The following CIROZ variants were observed in gnomAD, a reference collection of about 807,000 sequenced individuals.
The protein encoded by CIROZ is ciliated left-right organizer protein containing ZP-N domains, also known as ciliated left-right organizer ZP-N domains-containing protein.
At chr1:10,960,693 G>A in the CIROZ span, among the ~76,000 whole-genome samples, 1 of 152,236 alleles carries the variant, frequency 6.6e-6, no homozygotes, top group Non-Finnish European at 1.5e-5. The surrounding 1 kb of genome is among the most constrained non-coding windows in gnomAD (Gnocchi z 4.6). Context: ...GCACGGCTCG[G>A]GTACACCCTT....
chr1:10,948,714 C>T, the CIROZ span: 1 of 1,568,554 alleles, frequency 6.4e-7, no homozygotes, highest in Non-Finnish European at 8.7e-7. Flanking sequence ...TGTGGGGTGT[C>T]CAGGGATCCC....
the CIROZ span, among the ~76,000 whole-genome samples, chr1:10,981,856 G>A: frequency 1.3e-5 from 2 of 152,114 alleles, no homozygotes; most frequent in Admixed American, 1.3e-4. Flanking sequence ...CCCTTCCCAA[G>A]GCATCCATGC....
the CIROZ span, among the ~76,000 whole-genome samples, chr1:10,980,706 G>A: frequency 5.3e-5 from 8 of 152,312 alleles, no homozygotes; most frequent in South Asian, 4.1e-4. Flanking sequence ...TCTCCCCTCC[G>A]TCTGATGCCT....
chr1:10,977,390 A>G, the CIROZ span, among the ~76,000 whole-genome samples: 52,918 of 147,442 alleles, frequency 0.36, 11,643 homozygotes, highest in African/African-American at 0.69. Context: ...GGCTGAGACA[A>G]GAGAATTGCT....
At chr1:10,969,997 A>T in the CIROZ span, 1 of 1,536,622 alleles carries the variant, frequency 6.5e-7, no homozygotes, top group South Asian at 1.2e-5. Context: ...CTGGCCAGCC[A>T]CCGCCTCAGC....
At chr1:10,956,699 G>A in the CIROZ span, among the ~76,000 whole-genome samples, 23 of 151,858 alleles carry the variant, frequency 1.5e-4, no homozygotes, top group East Asian at 2.3e-3. Context: ...GGATGGTCTT[G>A]ATCTCCTGAC....
the CIROZ span, chr1:10,947,764 G>C: frequency 1.9e-6 from 3 of 1,597,110 alleles, no homozygotes; most frequent in Non-Finnish European, 2.6e-6. Flanking sequence ...GTCAGCTCCT[G>C]CTGGAGTGAG....
chr1:10,954,468 GA>G, the CIROZ span, among the ~76,000 whole-genome samples: 16 of 115,148 alleles, frequency 1.4e-4, no homozygotes, highest in African/African-American at 3.4e-4. Context: ...AAAAAAAAAA[GA>G]AAAGAAAAGA....
chr1:10,954,609 C>T, the CIROZ span, among the ~76,000 whole-genome samples: 2 of 152,156 alleles, frequency 1.3e-5, no homozygotes, highest in South Asian at 2.1e-4. Context: ...TTTCAGCCAG[C>T]GCCACAGCTC....
At chr1:10,966,319 C>T in the CIROZ span, 1 of 1,491,736 alleles carries the variant, frequency 6.7e-7, no homozygotes, top group Non-Finnish European at 8.8e-7. Flanking sequence ...CCTTAAATCT[C>T]CCTTTAAAAA....
At chr1:10,948,431 G>A in the CIROZ span, 7 of 1,613,248 alleles carry the variant, frequency 4.3e-6, no homozygotes, top group South Asian at 2.2e-5. Flanking sequence ...CCACATCCCC[G>A]CTTGACAAGC....
chr1:10,946,711 G>A, the CIROZ span: 1 of 152,264 alleles, frequency 6.6e-6, no homozygotes, highest in Non-Finnish European at 1.5e-5. Flanking sequence ...GAGGGTCACT[G>A]GGGCTGTCCA....
At chr1:10,973,538 G>GA in the CIROZ span, among the ~76,000 whole-genome samples, 1 of 152,146 alleles carries the variant, frequency 6.6e-6, no homozygotes, top group East Asian at 1.9e-4. Context: ...TCGCTGCTGA[G>GA]AGAAGCTGGC....
chr1:10,964,294 G>A, the CIROZ span: 1 of 1,590,454 alleles, frequency 6.3e-7, no homozygotes, highest in Non-Finnish European at 8.6e-7. Flanking sequence ...CAAAATTCAT[G>A]TATGCAAATG....
the CIROZ span, among the ~76,000 whole-genome samples, chr1:10,947,264 A>C: frequency 2.0e-5 from 3 of 151,986 alleles, no homozygotes; most frequent in Non-Finnish European, 4.4e-5. Context: ...ATGCTTCACC[A>C]CCTCCGACAG....
At chr1:10,975,720 G>A in the CIROZ span, among the ~76,000 whole-genome samples, 9 of 152,096 alleles carry the variant, frequency 5.9e-5, no homozygotes, top group Non-Finnish European at 1.2e-4. Context: ...GTGGCTAAGT[G>A]CAGGGGCTCT....
chr1:10,948,490 G>A, the CIROZ span: 7 of 1,614,140 alleles, frequency 4.3e-6, no homozygotes, highest in Non-Finnish European at 5.9e-6. Flanking sequence ...TCCTGTTCAG[G>A]CCTCACAGTT....
the CIROZ span, among the ~76,000 whole-genome samples, chr1:10,951,745 A>AAAAAATATAT: frequency 1.7e-5 from 2 of 119,186 alleles, no homozygotes; most frequent in Admixed American, 8.4e-5. Flanking sequence ...AAAAAAAAAA[A>AAAAAATATAT]ATATATATAT....
the CIROZ span, among the ~76,000 whole-genome samples, chr1:10,953,389 C>T: frequency 2.8e-4 from 42 of 152,312 alleles, no homozygotes; most frequent in Admixed American, 1.8e-3. Context: ...TGTGTGAATA[C>T]CAGGTTGTCC....
Sources: allele counts gnomAD v4.1 joint callset (sites outside exome capture counted in the v4.1 genomes callset), GRCh38; gene constraint gnomAD v4.1.1; non-coding constraint Gnocchi (gnomAD v3.1); transcripts MANE v1.5; gene names NCBI Gene and HGNC (gene_info 2026-07-23, HGNC 2026-07-21).